The following IRS2 variants were observed in gnomAD, a reference collection of about 807,000 sequenced individuals.
IRS2 encodes the protein insulin receptor substrate 2.
IRS2 carries 28 observed loss-of-function variants against 70.9 expected under a neutral mutation model. The ratio of observed to expected loss-of-function variants is 0.39; its 90% CI spans 0.29 to 0.54. IRS2 has a LOEUF of 0.54. Among genes scored for constraint, IRS2 ranks in the 20% least tolerant of loss-of-function variants. The pLI is 0.59. For synonymous variants in IRS2, 1,217 were observed against 981.9 expected (o/e 1.24, Z -4.48); for missense variants, 2,081 against 2,024.1 (o/e 1.03, Z -0.54).
Position 109,784,043 on chromosome 13 carries a change from T to G in IRS2, c.2011A>C (p.Arg671=). The change falls in exon 1 of 2, where the codon AGG becomes CGG. Residue 671 remains arginine (R), a synonymous_variant. Coordinates refer to ENST00000375856, the MANE Select transcript of IRS2 (RefSeq NM_003749.3). The surrounding 1 kb of genome is among the most constrained non-coding windows in gnomAD (Gnocchi z 5.2). The part of the protein sequence containing the change: ...ALAGSGSGSC[R]SDDYMPMSPA... The stretch of plus-strand genomic sequence containing the variant: ...CTCATGGGCATGTAGTCGTCGCTCC[T>G]GCAGCTGCCGCTCCCACTGCCCGCG... 1 of 1,545,720 alleles carries G rather than the reference T, an allele frequency of 6.5e-7. No homozygotes were observed. Among genetic ancestry groups the G allele is most frequent in the Non-Finnish European group, 8.7e-7 (1 of 1,151,072 alleles).
chr13:109,783,602 C>T lies in IRS2; in HGVS notation c.2452G>A (p.Gly818Arg), dbSNP rs780816462. 17 of 1,547,842 alleles carry T rather than the reference C, an allele frequency of 1.1e-5. No homozygotes were observed. The Middle Eastern group carries it at 5.0e-4, about 46-fold the overall frequency. ...ATGAGCACGTACTGGTCGCTGTCCC[C>T]GCCACAGGTGTAGGGGGCCTTGTAG... Reference protein sequence around the residue: ...RSYKAPYTCGGDSDQYVLMSS... With the variant: ...RSYKAPYTCGRDSDQYVLMSS... The change falls in exon 1 of 2, where the codon GGG becomes AGG. Residue 818 changes from glycine (G) to arginine (R), a missense_variant. By Grantham distance (125) the Gly-to-Arg change is moderately radical (BLOSUM62 -2). Coordinates refer to ENST00000375856, the MANE Select transcript of IRS2 (RefSeq NM_003749.3).
Position 109,782,296 on chromosome 13 carries a change from T to C in IRS2, c.3758A>G (p.Tyr1253Cys). 1.2e-6 allele frequency: 2 copies of C among 1,611,124 alleles called. No individual in the cohort carries two copies. The highest frequency in any genetic ancestry group is 2.2e-5 in the South Asian group (2 of 91,050). The change falls in exon 1 of 2, where the codon TAC becomes TGC. Residue 1253 changes from tyrosine (Y) to cysteine (C), a missense_variant. Coordinates refer to ENST00000375856, the MANE Select transcript of IRS2 (RefSeq NM_003749.3). The part of the protein sequence containing the change: ...TSAGFQNGLN[Y>C]IAIDVREEPG... Reference sequence around the variant, plus strand: ...CTCCTCCCTCACGTCGATGGCGATGTAGTTGAGACCATTCTGGAAGCCGGC... The same window carrying C: ...CTCCTCCCTCACGTCGATGGCGATGCAGTTGAGACCATTCTGGAAGCCGGC...
Position 109,784,099 on chromosome 13 carries a change from CCGT to C in IRS2, c.1952_1954del (p.Asp651del). The C allele has an allele frequency of 1.3e-6, 2 of 1,592,006 alleles. No individual in the cohort carries two copies. Among genetic ancestry groups the C allele is most frequent in the Non-Finnish European group, 1.7e-6 (2 of 1,176,438 alleles). ...CGCGCCGGGCGTCATGGGCATGTAG[CCGT>C]CGTCTGCCCCCAGGTTGCTGCTGGA... On this transcript the variant is annotated inframe_deletion, in exon 1 of 2. Coordinates refer to ENST00000375856, the MANE Select transcript of IRS2 (RefSeq NM_003749.3). The surrounding 1 kb of genome is among the most constrained non-coding windows in gnomAD (Gnocchi z 5.2).
chr13:109,760,585 G>A (rs779861581), intron 1 of IRS2, among the ~76,000 whole-genome samples: 4 of 152,164 alleles, frequency 2.6e-5, no homozygotes, highest in East Asian at 1.9e-4. Flanking sequence ...TTCTGCTGTC[G>A]CTTGTGACAG....
rs559679675 is a variant in IRS2 at position 109,772,609 on chromosome 13, T to C, written c.4012+9433A>G. 1.4e-4 allele frequency among the ~76,000 whole-genome samples: 22 copies of C among 151,984 alleles called. No homozygotes were observed. The South Asian group carries it at 4.6e-3, about 32-fold the overall frequency. Reference sequence around the variant, plus strand: ...CCAGGAAGGAGGTACTGTCTCTTGATGCTGAGAGGCCTGACAGCTTGCACA... The same window carrying C: ...CCAGGAAGGAGGTACTGTCTCTTGACGCTGAGAGGCCTGACAGCTTGCACA... On this transcript the variant is annotated intron_variant, in intron 1 of 1. Coordinates refer to ENST00000375856, the MANE Select transcript of IRS2 (RefSeq NM_003749.3).
In IRS2 at chr13:109,783,619, G is replaced by A. The variant is rs764318370; in HGVS notation, c.2435C>T (p.Ala812Val). The A allele has an allele frequency of 4.5e-6, 7 of 1,549,514 alleles. No individual in the cohort carries two copies. Among genetic ancestry groups the A allele is most frequent in the East Asian group, 4.9e-5 (2 of 41,172 alleles). The change falls in exon 1 of 2, where the codon GCC becomes GTC. Residue 812 changes from alanine (A) to valine (V), a missense_variant. This residue lies in a region of IRS2 where 1,615 missense variants were observed against 1,459.5 expected (regional missense o/e 1.11). Coordinates refer to ENST00000375856, the MANE Select transcript of IRS2 (RefSeq NM_003749.3). ...GCTGTCCCCGCCACAGGTGTAGGGG[G>A]CCTTGTAGGAGCGGGGCAAGGAGCT... Reference protein sequence around the residue: ...CYSSLPRSYKAPYTCGGDSDQ... With the variant: ...CYSSLPRSYKVPYTCGGDSDQ...
rs765365775 is a variant in IRS2, at chr13:109,784,258, G to A, written c.1796C>T (p.Thr599Ile). ...QPSSASLDEYTLMRATFSGSA... is the reference protein window; with the variant it reads ...QPSSASLDEYILMRATFSGSA... ...GCCCGAGAAGGTGGCCCGCATCAGG[G>A]TGTATTCATCCAGCGAGGCAGAGGA... Residue 599 changes from threonine (T) to isoleucine (I), a missense_variant, in exon 1 of 2, where the codon ACC becomes ATC. This residue lies in a region of IRS2 where 1,615 missense variants were observed against 1,459.5 expected (regional missense o/e 1.11). Coordinates refer to ENST00000375856, the MANE Select transcript of IRS2 (RefSeq NM_003749.3). The surrounding 1 kb of genome is among the most constrained non-coding windows in gnomAD (Gnocchi z 5.2). The A allele has an allele frequency of 2.5e-6, 4 of 1,588,704 alleles. No homozygotes were observed. The highest frequency in any genetic ancestry group is 3.4e-6 in the Non-Finnish European group (4 of 1,166,788).
intron 1 of IRS2, among the ~76,000 whole-genome samples, chr13:109,771,445 T>A (rs1207118199): frequency 6.6e-6 from 1 of 152,224 alleles, no homozygotes; most frequent in Non-Finnish European, 1.5e-5. Context: ...CTTTTGCAAC[T>A]AACACATTTT....
At chr13:109,772,246 C>A (rs1007414065) in intron 1 of IRS2, among the ~76,000 whole-genome samples, 1 of 152,144 alleles carries the variant, frequency 6.6e-6, no homozygotes, top group African/African-American at 2.4e-5. Context: ...TAGCACGGAG[C>A]GGTGCAGGTA....
intron 1 of IRS2, among the ~76,000 whole-genome samples, chr13:109,772,688 A>ATTT (rs34886741): frequency 9.7e-4 from 127 of 130,868 alleles, no homozygotes; most frequent in African/African-American, 2.7e-3. Flanking sequence ...TGCCTATTAC[A>ATTT]TTTTTTTTTT....
Position 109,782,289 on chromosome 13 carries a change from G to A in IRS2, c.3765C>T (p.Ala1255=), listed in dbSNP as rs1295086881. 3 of 1,611,550 alleles carry A rather than the reference G, an allele frequency of 1.9e-6. No individual in the cohort carries two copies. The highest frequency in any genetic ancestry group is 8.5e-7 in the Non-Finnish European group (1 of 1,179,394). ...GCCCGGGCTCCTCCCTCACGTCGAT[G>A]GCGATGTAGTTGAGACCATTCTGGA... The part of the protein sequence containing the change: ...AGFQNGLNYI[A]IDVREEPGLP... The change falls in exon 1 of 2, where the codon GCC becomes GCT. Residue 1255 remains alanine (A), a synonymous_variant. Transcript: ENST00000375856.
rs369411899 is a variant in IRS2 at position 109,782,283 on chromosome 13, G to T, written c.3771C>A (p.Asp1257Glu). ...GTGGCAGCCCGGGCTCCTCCCTCACGTCGATGGCGATGTAGTTGAGACCAT... is the reference window on the plus strand; with the variant it reads ...GTGGCAGCCCGGGCTCCTCCCTCACTTCGATGGCGATGTAGTTGAGACCAT... ...FQNGLNYIAI[D>E]VREEPGLPPQ... The change falls in exon 1 of 2, where the codon GAC becomes GAA. Residue 1257 changes from aspartate (D) to glutamate (E), a missense_variant. Asp to Glu is a conservative substitution (Grantham distance 45). Transcript: ENST00000375856. 6.2e-7 allele frequency: 1 copy of T among 1,611,180 alleles called. No homozygotes were observed.
At position 109,782,652 on chromosome 13, in the gene IRS2, C is replaced by T; in HGVS notation, c.3402G>A (p.Lys1134=). The change falls in exon 1 of 2, where the codon AAG becomes AAA. Residue 1134 remains lysine, a synonymous_variant. Transcript: ENST00000375856. ...CCCCCTGCGGGTCTGCGCGGATGAC[C>T]TTGGCGCCGCGGTGGGGGTCCGGGG... ...SQPPDPHRGA[K]VIRADPQGGR... The T allele has an allele frequency of 6.4e-7, 1 of 1,569,970 alleles. No individual in the cohort carries two copies.
At chr13:109,775,898 C>T (rs1404283589) in intron 1 of IRS2, among the ~76,000 whole-genome samples, 5 of 151,996 alleles carry the variant, frequency 3.3e-5, no homozygotes, top group Non-Finnish European at 7.4e-5. Flanking sequence ...GCCTGCAATC[C>T]CAGCACTTTG....
rs762859865 is a variant in IRS2, at chr13:109,785,346, C to A, written c.708G>T (p.Pro236=). The change falls in exon 1 of 2, where the codon CCG becomes CCT. Residue 236 remains proline, a synonymous_variant. Transcript: ENST00000375856. This position sits in a 1 kb window ranked among gnomAD's most constrained non-coding sequence, Gnocchi z 9.3. ...TGTTCATGAGCTGCAGCGTCACCGA[C>A]GGCTGCTCGCAGTTGAGCTTCACGA... ...IGFVKLNCEQ[P]SVTLQLMNIR... 16 of 1,611,576 alleles carry A rather than the reference C, an allele frequency of 9.9e-6. No individual in the cohort carries two copies. Among genetic ancestry groups the A allele is most frequent in the Non-Finnish European group, 1.4e-5 (16 of 1,179,632 alleles).
Position 109,754,844 on chromosome 13 carries a change from T to C in IRS2, c.*1460A>G, listed in dbSNP as rs903223349. Reference sequence around the variant, plus strand: ...TATTATATATTTATATATATTTTTCTAAAAACAAAACAAAACAAAACCAAC... The same window carrying C: ...TATTATATATTTATATATATTTTTCCAAAAACAAAACAAAACAAAACCAAC... On this transcript the variant is annotated 3_prime_UTR_variant, in exon 2 of 2. Transcript: ENST00000375856. The C allele has an allele frequency of 5.1e-5, 10 of 197,000 alleles. No individual in the cohort carries two copies. Among genetic ancestry groups the C allele is most frequent in the Non-Finnish European group, 8.4e-5 (8 of 95,314 alleles). The allele number at this position is 197,000 out of a possible 1,614,324, so 12.2% of individuals were successfully genotyped here. A position where few individuals can be genotyped will look rare whatever the true frequency, so the allele number is the denominator to read the frequency against.
At chr13:109,765,184 C>G (rs993127673) in intron 1 of IRS2, among the ~76,000 whole-genome samples, 1 of 152,128 alleles carries the variant, frequency 6.6e-6, no homozygotes, top group Non-Finnish European at 1.5e-5. Flanking sequence ...AAATGCAGGC[C>G]GACATTTAAG....
intron 1 of IRS2, 57 bp from the exon 2 acceptor site, chr13:109,756,365 G>A: frequency 6.4e-7 from 1 of 1,554,394 alleles, no homozygotes; most frequent in Non-Finnish European, 8.9e-7. Context: ...AGCAATCTCT[G>A]GAGTTCCAGA....
In IRS2 at chr13:109,785,897, G is replaced by T. The variant is rs1460016841; in HGVS notation, c.157C>A (p.Pro53Thr). ...GHKRFFVLRG[P>T]GAGGDEATAG... ...GTCGCCTCGTCGCCGCCCGCGCCGG[G>T]TCCGCGCAGCACGAAGAAGCGCTTG... Residue 53 changes from proline to threonine, a missense_variant, in exon 1 of 2, where the codon CCC becomes ACC. Around this residue, in one of 4 missense-constraint regions of IRS2, gnomAD observed 320 missense variants for 352.9 expected, o/e 0.91. Coordinates refer to ENST00000375856, the MANE Select transcript of IRS2 (RefSeq NM_003749.3). The surrounding 1 kb of genome is among the most constrained non-coding windows in gnomAD (Gnocchi z 9.3). 2.7e-6 allele frequency: 4 copies of T among 1,495,254 alleles called. No homozygotes were observed. Among genetic ancestry groups the T allele is most frequent in the South Asian group, 2.5e-5 (2 of 78,650 alleles). The allele number at this position is 1,495,254 out of a possible 1,614,324, so 92.6% of individuals were successfully genotyped here.
Sources: gnomAD v4.1 joint callset for allele counts (sites outside exome capture counted in the v4.1 genomes callset) on GRCh38, gnomAD v4.1.1 for gene constraint, gnomAD v4.1.1 regional missense constraint, Gnocchi (gnomAD v3.1) non-coding constraint, MANE v1.5 for transcripts, NCBI Gene and HGNC (gene_info 2026-07-23, HGNC 2026-07-21) for gene names.